Variants in CTNND2 observed in about 807,000 individuals in gnomAD.
CTNND2 encodes the protein catenin delta-2.
Under a neutral mutation model 144.4 loss-of-function variants are expected in CTNND2, and 22 were observed. The ratio of observed to expected loss-of-function variants is 0.15; its 90% CI spans 0.11 to 0.22. CTNND2 has a LOEUF of 0.22. Among genes scored for constraint, CTNND2 ranks in the 10% least tolerant of loss-of-function variants. The probability of loss-of-function intolerance (pLI) is 1.00; values close to 1 mark genes in which losing one functional copy is unlikely to be tolerated. For missense variants in CTNND2, 1,353 were observed against 1,618.8 expected (o/e 0.84, Z 2.82); for synonymous variants, 751 against 695.6 (o/e 1.08, Z -1.25).
intron 1 of CTNND2, among the ~76,000 whole-genome samples, chr5:11,848,889 G>A (rs2126999689): frequency 6.6e-6 from 1 of 152,182 alleles, no homozygotes; most frequent in East Asian, 1.9e-4. Flanking sequence ...GAACCATCAG[G>A]AAAAAGTACA....
intron 12 of CTNND2, among the ~76,000 whole-genome samples, chr5:11,130,265 C>CT (rs1017148000): frequency 1.3e-5 from 2 of 152,204 alleles, no homozygotes; most frequent in African/African-American, 4.8e-5. Context: ...CCACACCCCC[C>CT]CCATCCACCC....
Position 11,082,910 on chromosome 5 carries a change from A to G in CTNND2, c.2638-64T>C, listed in dbSNP as rs1580234181. 1.9e-6 allele frequency: 3 copies of G among 1,566,982 alleles called. No homozygotes were observed. In the South Asian group the frequency reaches 3.5e-5, roughly 18 times the overall value. On this transcript the variant is annotated intron_variant, in intron 15 of 21. Transcript: ENST00000304623. Reference sequence around the variant, plus strand: ...AAGAAACCCTGCATGCAAATAGTACATTTGCGTTTTCAGGCGGCTGCTTAC... The same window carrying G: ...AAGAAACCCTGCATGCAAATAGTACGTTTGCGTTTTCAGGCGGCTGCTTAC...
intron 2 of CTNND2, among the ~76,000 whole-genome samples, chr5:11,676,371 A>T (rs967100966): frequency 2.6e-5 from 4 of 152,094 alleles, no homozygotes; most frequent in African/African-American, 9.7e-5. Context: ...CACGTATCAT[A>T]TATCTTTAGT....
At chr5:11,300,492 C>T (rs982989020) in intron 9 of CTNND2, among the ~76,000 whole-genome samples, 3 of 152,162 alleles carry the variant, frequency 2.0e-5, no homozygotes, top group Non-Finnish European at 2.9e-5. Flanking sequence ...ATCTCCACCT[C>T]CTAGTGTGAA....
intron 10 of CTNND2, among the ~76,000 whole-genome samples, chr5:11,229,123 A>T (rs1165608480): frequency 1.3e-5 from 2 of 152,198 alleles, no homozygotes; most frequent in African/African-American, 4.8e-5. Context: ...CATCTTTATC[A>T]GTGCTGGTCA....
At chr5:11,201,288 G>C (rs1194304609) in intron 10 of CTNND2, among the ~76,000 whole-genome samples, 1 of 152,148 alleles carries the variant, frequency 6.6e-6, no homozygotes, top group Non-Finnish European at 1.5e-5. Context: ...CAAATGAATG[G>C]AGAGGGTTAA....
chr5:11,767,553 T>C (rs1474293516), intron 1 of CTNND2, among the ~76,000 whole-genome samples: 2 of 152,246 alleles, frequency 1.3e-5, no homozygotes, highest in East Asian at 1.9e-4. Flanking sequence ...GCAAGTTAGA[T>C]GAACGCCCAT....
At chr5:10,975,212 C>G (rs1736300003) in intron 21 of CTNND2, among the ~76,000 whole-genome samples, 1 of 152,126 alleles carries the variant, frequency 6.6e-6, no homozygotes, top group Non-Finnish European at 1.5e-5. Context: ...TTGTGTGCTG[C>G]TGAACTCCAC....
At chr5:11,542,467 C>T (rs552941998) in intron 3 of CTNND2, among the ~76,000 whole-genome samples, 4 of 151,978 alleles carry the variant, frequency 2.6e-5, no homozygotes, top group Non-Finnish European at 5.9e-5. Flanking sequence ...ATATAGCAGC[C>T]AGTAATGCAA....
At chr5:11,627,822 T>C (rs977938489) in intron 2 of CTNND2, among the ~76,000 whole-genome samples, 2 of 150,566 alleles carry the variant, frequency 1.3e-5, no homozygotes, top group African/African-American at 4.9e-5. Flanking sequence ...TTCTGGCAAC[T>C]AGATGATCCC....
chr5:11,388,076 G>A (rs1259613767), intron 6 of CTNND2, among the ~76,000 whole-genome samples: 1 of 152,134 alleles, frequency 6.6e-6, no homozygotes, highest in Admixed American at 6.5e-5. Context: ...CAATTTGAAA[G>A]TCTTTTAGAT....
chr5:11,389,534 A>G (rs904443371), intron 6 of CTNND2, among the ~76,000 whole-genome samples: 1 of 152,088 alleles, frequency 6.6e-6, no homozygotes, highest in Non-Finnish European at 1.5e-5. Flanking sequence ...CTCTTGTGTA[A>G]TTGTAGATGC....
intron 14 of CTNND2, among the ~76,000 whole-genome samples, chr5:11,099,398 T>C (rs1751658474): frequency 1.3e-5 from 2 of 152,198 alleles, no homozygotes; most frequent in African/African-American, 4.8e-5. Flanking sequence ...AATAGGATAA[T>C]GTGTAATTCA....
chr5:11,294,183 A>G (rs1190214752), intron 9 of CTNND2, among the ~76,000 whole-genome samples: 3 of 151,980 alleles, frequency 2.0e-5, no homozygotes, highest in Admixed American at 1.3e-4. Flanking sequence ...ATCTCAAAAA[A>G]AAAAAAAAAA....
At chr5:11,298,817 G>C (rs755074799) in intron 9 of CTNND2, among the ~76,000 whole-genome samples, 2 of 152,138 alleles carry the variant, frequency 1.3e-5, no homozygotes, top group Non-Finnish European at 2.9e-5. Flanking sequence ...TACATATGTC[G>C]GTTTGCCCCA....
intron 1 of CTNND2, among the ~76,000 whole-genome samples, chr5:11,827,924 G>T (rs1598934): frequency 0.078 from 11,829 of 152,162 alleles, 1,286 homozygotes; most frequent in African/African-American, 0.25. Flanking sequence ...ATTTTATGAG[G>T]CTCTTTACTC....
chr5:11,019,483 C>A (rs989470075), intron 17 of CTNND2, among the ~76,000 whole-genome samples: 43 of 152,252 alleles, frequency 2.8e-4, no homozygotes, highest in African/African-American at 9.9e-4. Flanking sequence ...TTGTTTCTAT[C>A]TTTTGCATAG....
At chr5:11,655,973 G>A (rs1280961506) in intron 2 of CTNND2, among the ~76,000 whole-genome samples, 1 of 151,532 alleles carries the variant, frequency 6.6e-6, no homozygotes, top group East Asian at 1.9e-4. Flanking sequence ...TGTCATAAAT[G>A]TTGCACCTGC....
chr5:11,855,914 C>A (rs532688900), intron 1 of CTNND2, among the ~76,000 whole-genome samples: 1 of 152,236 alleles, frequency 6.6e-6, no homozygotes, highest in Non-Finnish European at 1.5e-5. Context: ...AGGATATTGC[C>A]GGATAATTGA....
Sources: gnomAD v4.1 joint callset for allele counts (sites outside exome capture counted in the v4.1 genomes callset) on GRCh38, gnomAD v4.1.1 for gene constraint, MANE v1.5 for transcripts, NCBI Gene and HGNC (gene_info 2026-07-23, HGNC 2026-07-21) for gene names.